Variants in PDK1 observed in about 807,000 individuals in gnomAD.
PDK1 encodes the protein pyruvate dehydrogenase kinase 1, also known as [Pyruvate dehydrogenase (acetyl-transferring)] kinase isozyme 1, mitochondrial.
In PDK1, 39 loss-of-function variants were observed where a neutral mutation model predicts 54.2. The observed-to-expected ratio is 0.72, with a 90% CI of 0.56 to 0.94. The LOEUF (loss-of-function observed/expected upper bound fraction) is 0.94. Among genes scored for constraint, PDK1 ranks in the 40% least tolerant of loss-of-function variants. PDK1 has a pLI of 0.00. For synonymous variants in PDK1, 221 were observed against 207.1 expected, an observed-to-expected ratio of 1.07 and a Z score of -0.58; for missense variants, 552 against 566.0, an observed-to-expected ratio of 0.98 and a Z score of 0.25.
chr2:172,622,065 A>ATATCTCATATATTATGTGAGATATGTT, the PDK1 span, among the ~76,000 whole-genome samples: 1 of 145,942 alleles, frequency 6.9e-6, no homozygotes, highest in East Asian at 2.8e-4. Context: ...AGATATGTTT[A>ATATCTCATATATTATGTGAGATATGTT]TATCTCATAT....
the PDK1 span, among the ~76,000 whole-genome samples, chr2:172,639,934 G>T: frequency 6.6e-6 from 1 of 152,202 alleles, no homozygotes; most frequent in Non-Finnish European, 1.5e-5. Context: ...AATCATTGTG[G>T]TTTTAGTCTG....
intron 5 of PDK1, among the ~76,000 whole-genome samples, chr2:172,566,430 C>T (rs1688944743): frequency 6.6e-6 from 1 of 152,074 alleles, no homozygotes. Context: ...TGACCCATGC[C>T]TACGTAGTCC....
At chr2:172,621,867 TGTATG>T in the PDK1 span, among the ~76,000 whole-genome samples, 1 of 112,938 alleles carries the variant, frequency 8.9e-6, no homozygotes, top group African/African-American at 4.3e-5. Context: ...ATATCTCATA[TGTATG>T]ATATATGTTT....
At chr2:172,570,921 A>G in intron 8 of PDK1, 97 bp downstream of exon 8, 1 of 675,296 alleles carries the variant, frequency 1.5e-6, no homozygotes, top group Admixed American at 2.7e-5. Context: ...AAAAGACATA[A>G]TCTACTCTCA....
intron 5 of PDK1, among the ~76,000 whole-genome samples, chr2:172,565,590 C>T (rs1330396112): frequency 1.3e-5 from 2 of 152,072 alleles, no homozygotes; most frequent in Non-Finnish European, 2.9e-5. Context: ...CGTGAGCCAC[C>T]GAGCCCAGCT....
chr2:172,708,904 G>T, the PDK1 span, among the ~76,000 whole-genome samples: 1 of 152,154 alleles, frequency 6.6e-6, no homozygotes, highest in African/African-American at 2.4e-5. Context: ...CATCATGTTG[G>T]TGTTCAGCAA....
rs1420511797 is a variant in PDK1 at position 172,568,975 on chromosome 2, G to A, written c.846+158G>A. 2.6e-5 allele frequency among the ~76,000 whole-genome samples: 4 copies of A among 152,244 alleles called. No homozygotes were observed. The South Asian group carries it at 6.2e-4, about 24-fold the overall frequency. On this transcript the variant is annotated intron_variant, in intron 7 of 10. Transcript: ENST00000282077. Reference sequence around the variant, plus strand: ...GGAGATCAGCTTTTTATCAACACAGGGAGACATCTCCATGTAGTGGTGAGC... The same window carrying A: ...GGAGATCAGCTTTTTATCAACACAGAGAGACATCTCCATGTAGTGGTGAGC...
Position 172,558,741 on chromosome 2 carries a change from T to A in PDK1, c.230T>A (p.Met77Lys), listed in dbSNP as rs1688493630. The A allele has an allele frequency of 3.7e-6, 6 of 1,610,638 alleles. No homozygotes were observed. Among genetic ancestry groups the A allele is most frequent in the Non-Finnish European group, 5.1e-6 (6 of 1,179,028 alleles). ...SVNACEKTSF[M>K]FLRQELPVRL... ...AATGCTTGTGAAAAGACCTCATTTA[T>A]GTTTCTGCGGCAAGAGTTGCCTGTC... The change falls in exon 2 of 11, where the codon ATG (methionine) becomes AAG (lysine). Residue 77 changes from methionine (M) to lysine (K), a missense_variant. By Grantham distance (95) the Met-to-Lys change is moderately conservative. Coordinates refer to ENST00000282077, the MANE Select transcript of PDK1 (RefSeq NM_002610.5).
chr2:172,717,982 G>C, the PDK1 span, among the ~76,000 whole-genome samples: 11,981 of 152,236 alleles, frequency 0.079, 1,103 homozygotes, highest in East Asian at 0.52. Flanking sequence ...CAATAGAGCT[G>C]AGAGCTACCA....
the PDK1 span, among the ~76,000 whole-genome samples, chr2:172,655,273 T>C: frequency 1.3e-5 from 2 of 152,194 alleles, no homozygotes; most frequent in Non-Finnish European, 2.9e-5. Flanking sequence ...TTAAAACTAT[T>C]TCTTTAGAGA....
chr2:172,696,250 T>C, the PDK1 span, among the ~76,000 whole-genome samples: 3 of 151,990 alleles, frequency 2.0e-5, no homozygotes, highest in Middle Eastern at 0.01. Context: ...GAGCACAGCT[T>C]GGCTGGCACC....
At chr2:172,719,380 C>G in the PDK1 span, among the ~76,000 whole-genome samples, 1 of 152,104 alleles carries the variant, frequency 6.6e-6, no homozygotes, top group African/African-American at 2.4e-5. Flanking sequence ...TTAAAAAAAA[C>G]TTACCAACTA....
chr2:172,556,586 G>A, intron 1 of PDK1: 1 of 369,590 alleles, frequency 2.7e-6, no homozygotes, highest in Non-Finnish European at 4.8e-6. Flanking sequence ...CAAACCAGCT[G>A]GGCCGCGGGA....
intron 9 of PDK1, among the ~76,000 whole-genome samples, chr2:172,587,098 A>AC (rs1293786926): frequency 6.6e-6 from 1 of 151,980 alleles, no homozygotes; most frequent in Non-Finnish European, 1.5e-5. Flanking sequence ...TCTATTTTAG[A>AC]CCCCTTCCTA....
rs1691037230 is a variant in PDK1, at chr2:172,599,418, C to T, written c.*3449C>T. 1 of 152,136 alleles carries T rather than the reference C, an allele frequency of 6.6e-6. No homozygotes were observed. 9.4% of individuals were successfully genotyped at this position (152,136 alleles called of 1,614,324 possible). A position where few individuals can be genotyped will look rare whatever the true frequency, so the allele number is the denominator to read the frequency against. ...TCAGAGGAAGCCAAAAATCAGCCAA[C>T]TAATTTCAGTTTATGTCTTTAATTG... On this transcript the variant is annotated 3_prime_UTR_variant, in exon 11 of 11. Coordinates refer to ENST00000282077, the MANE Select transcript of PDK1 (RefSeq NM_002610.5).
chr2:172,592,156 A>G (rs1477754297), intron 9 of PDK1, among the ~76,000 whole-genome samples: 4 of 152,260 alleles, frequency 2.6e-5, no homozygotes, highest in Non-Finnish European at 5.9e-5. Context: ...CTTCCGGGCT[A>G]TGCCCTTGTT....
intron 9 of PDK1, among the ~76,000 whole-genome samples, chr2:172,587,740 G>C (rs1690335672): frequency 6.6e-6 from 1 of 151,976 alleles, no homozygotes; most frequent in African/African-American, 2.4e-5. Flanking sequence ...AGAGCTGATT[G>C]GTCCATTTTA....
chr2:172,721,198 G>T, the PDK1 span, among the ~76,000 whole-genome samples: 1 of 152,186 alleles, frequency 6.6e-6, no homozygotes, highest in Non-Finnish European at 1.5e-5. Context: ...AAGCTACCTA[G>T]TTGCCCTATG....
At chr2:172,657,741 A>G in the PDK1 span, among the ~76,000 whole-genome samples, 3 of 152,194 alleles carry the variant, frequency 2.0e-5, no homozygotes, top group African/African-American at 7.2e-5. Flanking sequence ...GAAGGAAAGC[A>G]TTATTCTTAC....
Sources: allele counts gnomAD v4.1 joint callset (sites outside exome capture counted in the v4.1 genomes callset), GRCh38; gene constraint gnomAD v4.1.1; transcripts MANE v1.5; gene names NCBI Gene and HGNC (gene_info 2026-07-23, HGNC 2026-07-21).